The following MLIP variants were observed in gnomAD, a reference collection of about 807,000 sequenced individuals.
MLIP encodes the protein muscular LMNA interacting protein, also known as muscular LMNA-interacting protein.
A neutral mutation model predicts 84.8 loss-of-function variants in MLIP; 79 were observed. The ratio of observed to expected loss-of-function variants is 0.93; its 90% CI spans 0.78 to 1.12. The LOEUF (loss-of-function observed/expected upper bound fraction) is 1.12. Ranked by LOEUF, MLIP falls within the 50% of genes most tolerant of loss-of-function variation. The probability of loss-of-function intolerance (pLI) is 0.00; values close to 1 mark genes in which losing one functional copy is unlikely to be tolerated. For synonymous variants in MLIP, 504 were observed against 463.0 expected, an observed-to-expected ratio of 1.09 and a Z score of -1.14; for missense variants, 1,257 against 1,160.6, an observed-to-expected ratio of 1.08 and a Z score of -1.21.
chr6:54,158,374 T>C (rs899201829), intron 5 of MLIP, among the ~76,000 whole-genome samples: 2 of 152,136 alleles, frequency 1.3e-5, no homozygotes, highest in African/African-American at 2.4e-5. Flanking sequence ...CCAGAACATA[T>C]ATATTCAAGC....
At chr6:54,252,157 A>AATATATAACTATAATATAACAT (rs1782640979) in intron 12 of MLIP, among the ~76,000 whole-genome samples, 2 of 100,906 alleles carry the variant, frequency 2.0e-5, no homozygotes, top group Non-Finnish European at 3.4e-5. Flanking sequence ...TATAACATAT[A>AATATATAACTATAATATAACAT]ATATATAACT....
At chr6:54,064,812 A>G (rs1272983840) in intron 1 of MLIP, among the ~76,000 whole-genome samples, 2 of 99,246 alleles carry the variant, frequency 2.0e-5, no homozygotes, top group Non-Finnish European at 2.9e-5. Context: ...CACAATATAT[A>G]TGAATATATA....
At position 54,186,671 on chromosome 6, in the gene MLIP, C is replaced by G. The variant is rs1562032487; in HGVS notation, c.2545-3199C>G. ...AAGAGCAAACAACCCCTTATAAAAA[C>G]CATCAGCTTTTGTGAGAACTCACTC... On this transcript the variant is annotated intron_variant, in intron 9 of 13. Coordinates refer to ENST00000502396, the MANE Select transcript of MLIP (RefSeq NM_001281747.2). Among the ~76,000 whole-genome samples, 6 of 152,256 alleles carry G rather than the reference C, an allele frequency of 3.9e-5. No individual in the cohort carries two copies. In the South Asian group the frequency reaches 1.2e-3, roughly 32 times the overall value.
chr6:54,063,325 C>A (rs1766081527), intron 1 of MLIP: 1 of 152,010 alleles, frequency 6.6e-6, no homozygotes, highest in Non-Finnish European at 1.5e-5. Context: ...AATCTGAGTA[C>A]TCCTAATACT....
At chr6:54,243,285 G>C (rs1232273167) in intron 12 of MLIP, among the ~76,000 whole-genome samples, 3 of 152,096 alleles carry the variant, frequency 2.0e-5, no homozygotes, top group African/African-American at 7.2e-5. Flanking sequence ...CAGCTAGAGG[G>C]GGCAGCAAGC....
intron 11 of MLIP, among the ~76,000 whole-genome samples, chr6:54,205,859 CGTT>C (rs1205636123): frequency 6.6e-6 from 1 of 152,074 alleles, no homozygotes; most frequent in Non-Finnish European, 1.5e-5. Flanking sequence ...AATCTTCACT[CGTT>C]ATTCAGTTAA....
chr6:54,081,735 A>G (rs1767170934), intron 1 of MLIP, among the ~76,000 whole-genome samples: 1 of 152,106 alleles, frequency 6.6e-6, no homozygotes, highest in African/African-American at 2.4e-5. Flanking sequence ...TTTTTATGAG[A>G]AAATGTTAAG....
At chr6:54,240,857 T>C (rs1309449142) in intron 12 of MLIP, among the ~76,000 whole-genome samples, 1 of 152,088 alleles carries the variant, frequency 6.6e-6, no homozygotes, top group Non-Finnish European at 1.5e-5. Context: ...GCACCTGTAG[T>C]CCCAGCTACT....
chr6:54,040,017 AG>A (rs1764654036), intron 1 of MLIP, among the ~76,000 whole-genome samples: 1 of 152,046 alleles, frequency 6.6e-6, no homozygotes, highest in African/African-American at 2.4e-5. Flanking sequence ...ACTTGTTAAC[AG>A]GACATATTTT....
intron 1 of MLIP, among the ~76,000 whole-genome samples, chr6:54,078,126 T>C (rs1300680376): frequency 6.6e-6 from 1 of 152,222 alleles, no homozygotes; most frequent in African/African-American, 2.4e-5. Context: ...GAGGTTCACC[T>C]ACTGCTTCTT....
chr6:54,215,997 C>A, intron 11 of MLIP: 1 of 257,646 alleles, frequency 3.9e-6, no homozygotes, highest in Non-Finnish European at 6.1e-6. Context: ...TTGGAAATGG[C>A]AGGATTTCTT....
intron 1 of MLIP, among the ~76,000 whole-genome samples, chr6:54,104,990 C>T (rs1042970687): frequency 2.0e-5 from 3 of 152,090 alleles, no homozygotes; most frequent in African/African-American, 7.2e-5. Flanking sequence ...CCTTGCTCAC[C>T]GTTTGTCTTG....
rs1185827827 is a variant in MLIP at position 54,230,719 on chromosome 6, AAC to A, written c.2726_2727del (p.Thr909SerfsTer15). On this transcript the variant is annotated frameshift_variant, in exon 12 of 14. Coordinates refer to ENST00000502396, the MANE Select transcript of MLIP (RefSeq NM_001281747.2). LOFTEE classifies it high-confidence loss of function. Reference sequence around the variant, plus strand: ...CCTTTCTTCTTCCCCACCAGGATGTAACAGTCCCTCCCAAGCCTGTCTCGCTC... The same window carrying A: ...CCTTTCTTCTTCCCCACCAGGATGTAAGTCCCTCCCAAGCCTGTCTCGCTC... ...NSDLFSEQDVTVPPKPVSLHP... is the reference protein window; with the variant it reads ...NSDLFSEQDVXVPPKPVSLHP... 6 of 1,613,956 alleles carry A rather than the reference AAC, an allele frequency of 3.7e-6. No individual in the cohort carries two copies. Among genetic ancestry groups the A allele is most frequent in the Non-Finnish European group, 5.1e-6 (6 of 1,179,932 alleles).
chr6:54,124,801 A>G lies in MLIP; in HGVS notation c.581A>G (p.Asp194Gly), dbSNP rs781170733. Residue 194 changes from aspartate to glycine, a missense_variant, in exon 3 of 14, where the codon GAT becomes GGT. Transcript: ENST00000502396. ...DVVRPKTQGT[D>G]LKTSSHPEML... ...GTGCGTCCCAAAACACAGGGGACTGATCTCAAGACCTCATCACATCCTGAA... is the reference window on the plus strand; with the variant it reads ...GTGCGTCCCAAAACACAGGGGACTGGTCTCAAGACCTCATCACATCCTGAA... 3.2e-5 allele frequency: 51 copies of G among 1,613,660 alleles called. No individual in the cohort carries two copies. The highest frequency in any genetic ancestry group is 4.0e-5 in the Non-Finnish European group (47 of 1,179,912).
At chr6:54,074,351 T>C (rs987230430) in intron 1 of MLIP, among the ~76,000 whole-genome samples, 4 of 152,076 alleles carry the variant, frequency 2.6e-5, no homozygotes, top group African/African-American at 9.7e-5. Context: ...GTGTGGGAGG[T>C]GAGTAAGCAT....
At chr6:54,216,386 T>C (rs1416955710) in intron 11 of MLIP, 2 of 985,172 alleles carry the variant, frequency 2.0e-6, no homozygotes, top group African/African-American at 3.5e-5. Flanking sequence ...TCCAACTATA[T>C]GTATAGAAAA....
At chr6:54,043,117 G>A (rs561404925) in intron 1 of MLIP, among the ~76,000 whole-genome samples, 77 of 152,204 alleles carry the variant, frequency 5.1e-4, no homozygotes, top group African/African-American at 1.7e-3. Context: ...AAACATCCTC[G>A]AACCTTCTTT....
intron 1 of MLIP, among the ~76,000 whole-genome samples, chr6:54,069,343 A>G (rs1242309445): frequency 2.0e-5 from 2 of 101,606 alleles, no homozygotes; most frequent in African/African-American, 5.1e-5. Context: ...TACAGGTAAC[A>G]AATAAAACAA....
intron 9 of MLIP, among the ~76,000 whole-genome samples, chr6:54,175,972 T>C (rs1776241888): frequency 6.6e-6 from 1 of 152,120 alleles, no homozygotes; most frequent in African/African-American, 2.4e-5. Flanking sequence ...AAATGCTTTT[T>C]CAGCATCAAT....
Sources: gnomAD v4.1 joint callset for allele counts (sites outside exome capture counted in the v4.1 genomes callset) on GRCh38, gnomAD v4.1.1 for gene constraint, MANE v1.5 for transcripts, NCBI Gene and HGNC (gene_info 2026-07-23, HGNC 2026-07-21) for gene names.